Variants in CSMD1 observed in about 807,000 individuals in gnomAD.
CSMD1 encodes CUB and Sushi multiple domains 1.
In CSMD1, 213 loss-of-function variants were observed where a neutral mutation model predicts 417.5. That is an observed-to-expected ratio of 0.51 (90% CI 0.46 to 0.57). The LOEUF (loss-of-function observed/expected upper bound fraction) is 0.57. Among genes scored for constraint, CSMD1 ranks in the 20% least tolerant of loss-of-function variants. The pLI is 0.00. For missense variants in CSMD1, 6,923 were observed against 4,529.7 expected, an observed-to-expected ratio of 1.53 and a Z score of -15.17; for synonymous variants, 2,862 against 1,736.8, an observed-to-expected ratio of 1.65 and a Z score of -16.11.
At chr8:3,001,400 T>C (rs1770479934) in intron 52 of CSMD1, among the ~76,000 whole-genome samples, 1 of 152,126 alleles carries the variant, frequency 6.6e-6, no homozygotes, top group South Asian at 2.1e-4. Context: ...TCCTCGCATA[T>C]ATGGAAAGGG....
At chr8:3,689,053 G>T (rs546751940) in intron 7 of CSMD1, among the ~76,000 whole-genome samples, 13 of 152,300 alleles carry the variant, frequency 8.5e-5, no homozygotes, top group Non-Finnish European at 1.9e-4. Context: ...GGTCATCTAA[G>T]TAAACATGTG....
At position 4,607,079 on chromosome 8, in the gene CSMD1, G is replaced by A. The variant is rs138863525; in HGVS notation, c.302+30263C>T. 2.4e-3 allele frequency among the ~76,000 whole-genome samples: 359 copies of A among 152,152 alleles called. 1 individual carries two copies. The highest frequency in any genetic ancestry group is 8.5e-3 in the African/African-American group (352 of 41,526). ...CCATATTATTTTTATTCATTCATATGTTTATTCATTTACTCAAGTAATATT... is the reference window on the plus strand; with the variant it reads ...CCATATTATTTTTATTCATTCATATATTTATTCATTTACTCAAGTAATATT... On this transcript the variant is annotated intron_variant, in intron 2 of 69. Transcript: ENST00000635120.
intron 21 of CSMD1, among the ~76,000 whole-genome samples, chr8:3,352,030 G>T (rs888028705): frequency 6.6e-6 from 1 of 151,880 alleles, no homozygotes; most frequent in East Asian, 1.9e-4. Context: ...AAGTCAATAA[G>T]AAAATATGAT....
At chr8:4,064,570 T>C (rs762771467) in intron 3 of CSMD1, among the ~76,000 whole-genome samples, 1 of 152,160 alleles carries the variant, frequency 6.6e-6, no homozygotes, top group Non-Finnish European at 1.5e-5. Context: ...CAGCTCCTAC[T>C]TCCACCCTGT....
intron 7 of CSMD1, among the ~76,000 whole-genome samples, chr8:3,646,752 A>C (rs1469722641): frequency 6.6e-6 from 1 of 152,034 alleles, no homozygotes; most frequent in African/African-American, 2.4e-5. Flanking sequence ...GCTGGAAAGA[A>C]CGTTTTCATG....
intron 3 of CSMD1, among the ~76,000 whole-genome samples, chr8:4,096,840 G>A (rs975516310): frequency 6.6e-5 from 10 of 152,160 alleles, no homozygotes; most frequent in Admixed American, 5.2e-4. Context: ...TAATGGAGGT[G>A]TGTGTCTCAG....
At chr8:4,632,209 T>C (rs1802559833) in intron 2 of CSMD1, among the ~76,000 whole-genome samples, 1 of 152,250 alleles carries the variant, frequency 6.6e-6, no homozygotes, top group Non-Finnish European at 1.5e-5. Flanking sequence ...AATAATGTAA[T>C]TCAAAATTGC....
chr8:4,810,395 C>T lies in CSMD1; in HGVS notation c.86-172837G>A, dbSNP rs747131723. ...TAATTTATTCCATAGCCATTCATAA[C>T]GTGATTGTACCTTCAAACTCACTAT... On this transcript the variant is annotated intron_variant, in intron 1 of 69. Transcript: ENST00000635120. 4.6e-5 allele frequency among the ~76,000 whole-genome samples: 7 copies of T among 152,222 alleles called. No individual in the cohort carries two copies. In the East Asian group the frequency reaches 9.7e-4, roughly 21 times the overall value.
chr8:3,671,067 T>C (rs1799002138), intron 7 of CSMD1, among the ~76,000 whole-genome samples: 1 of 136,826 alleles, frequency 7.3e-6, no homozygotes, highest in Non-Finnish European at 1.6e-5. Context: ...TATATATGTA[T>C]ATGGGATATA....
intron 3 of CSMD1, among the ~76,000 whole-genome samples, chr8:4,185,747 T>C (rs1375015921): frequency 4.6e-5 from 7 of 152,178 alleles, no homozygotes; most frequent in Non-Finnish European, 7.3e-5. Flanking sequence ...TGAAGAGCTA[T>C]CATTTTGAGA....
At chr8:4,004,884 A>T (rs1400372303) in intron 4 of CSMD1, among the ~76,000 whole-genome samples, 1 of 152,176 alleles carries the variant, frequency 6.6e-6, no homozygotes, top group South Asian at 2.1e-4. Context: ...AGCTGGGACT[A>T]CAGGCGCCCG....
chr8:2,942,449 A>T (rs745443792), intron 69 of CSMD1, 23 bp downstream of exon 69: 2 of 1,603,370 alleles, frequency 1.2e-6, no homozygotes, highest in Admixed American at 1.7e-5. Context: ...AACATTCTCA[A>T]ACAGATGGTG....
chr8:4,203,969 T>C (rs1024173085), intron 3 of CSMD1, among the ~76,000 whole-genome samples: 1 of 151,984 alleles, frequency 6.6e-6, no homozygotes, highest in African/African-American at 2.4e-5. Context: ...GGTGTGGTGG[T>C]GCACGCCTGT....
At chr8:3,679,948 C>G (rs549376245) in intron 7 of CSMD1, among the ~76,000 whole-genome samples, 1 of 152,022 alleles carries the variant, frequency 6.6e-6, no homozygotes, top group Non-Finnish European at 1.5e-5. Context: ...GGGTACATAA[C>G]GAAATGAAGG....
At chr8:3,396,985 C>G (rs1401606049) in intron 16 of CSMD1, among the ~76,000 whole-genome samples, 1 of 152,028 alleles carries the variant, frequency 6.6e-6, no homozygotes, top group Non-Finnish European at 1.5e-5. Context: ...ACTTTAATAA[C>G]TTGAGAAAGT....
chr8:4,658,234 A>G (rs1199594075), intron 1 of CSMD1, among the ~76,000 whole-genome samples: 1 of 152,194 alleles, frequency 6.6e-6, no homozygotes, highest in Non-Finnish European at 1.5e-5. Context: ...AAATAAATCA[A>G]CACATTCGAG....
chr8:4,898,895 T>C (rs1417883982), intron 1 of CSMD1, among the ~76,000 whole-genome samples: 1 of 152,188 alleles, frequency 6.6e-6, no homozygotes, highest in African/African-American at 2.4e-5. Context: ...AGATACATTA[T>C]TTATCGTTTA....
intron 10 of CSMD1, among the ~76,000 whole-genome samples, chr8:3,501,681 G>C (rs954088064): frequency 6.6e-6 from 1 of 152,168 alleles, no homozygotes; most frequent in Non-Finnish European, 1.5e-5. Context: ...CTTTCAAACA[G>C]TGAATTTCCT....
At chr8:4,228,328 G>C (rs1257666315) in intron 3 of CSMD1, among the ~76,000 whole-genome samples, 2 of 152,134 alleles carry the variant, frequency 1.3e-5, no homozygotes, top group Non-Finnish European at 2.9e-5. Flanking sequence ...TTTATTCTCT[G>C]TCTCTAATTC....
Sources: allele counts gnomAD v4.1 joint callset (sites outside exome capture counted in the v4.1 genomes callset), GRCh38; gene constraint gnomAD v4.1.1; transcripts MANE v1.5; gene names NCBI Gene and HGNC (gene_info 2026-07-23, HGNC 2026-07-21).